Variants in DOCK1 observed in about 807,000 individuals in gnomAD.
DOCK1 encodes the protein dedicator of cytokinesis 1, also known as dedicator of cytokinesis protein 1.
DOCK1 carries 138 observed loss-of-function variants against 262.7 expected under a neutral mutation model. That is an observed-to-expected ratio of 0.53 (90% CI 0.46 to 0.61). The LOEUF (loss-of-function observed/expected upper bound fraction) is 0.61, where lower values mean the gene tolerates loss of function less well. DOCK1 is among the 20% of genes least tolerant of loss of function. The probability of loss-of-function intolerance (pLI) is 0.00; values close to 1 mark genes in which losing one functional copy is unlikely to be tolerated. For missense variants in DOCK1, 1,908 were observed against 2,370.7 expected (o/e 0.80, Z 4.05); for synonymous variants, 866 against 867.4 (o/e 1.00, Z 0.03).
intron 25 of DOCK1, among the ~76,000 whole-genome samples, chr10:127,119,287 T>C (rs775974705): frequency 1.4e-3 from 213 of 152,284 alleles, no homozygotes; most frequent in Non-Finnish European, 5.4e-4. Context: ...GACCTCATGG[T>C]CCTCCTGACT....
At chr10:127,306,348 T>C (rs545940535) in intron 29 of DOCK1, among the ~76,000 whole-genome samples, 1 of 152,234 alleles carries the variant, frequency 6.6e-6, no homozygotes, top group East Asian at 1.9e-4. Context: ...AGTTGGTGAA[T>C]CAACTCGAAA....
intron 27 of DOCK1, among the ~76,000 whole-genome samples, chr10:127,134,827 T>C (rs1240215557): frequency 6.6e-6 from 1 of 152,132 alleles, no homozygotes; most frequent in African/African-American, 2.4e-5. Flanking sequence ...TGGTTGCAGA[T>C]ACTGGGAAAA....
chr10:127,225,790 A>C (rs986794978), intron 27 of DOCK1, among the ~76,000 whole-genome samples: 2 of 152,194 alleles, frequency 1.3e-5, no homozygotes, highest in African/African-American at 2.4e-5. Context: ...ACCCATAAGA[A>C]GTAGTTGGAC....
intron 29 of DOCK1, among the ~76,000 whole-genome samples, chr10:127,316,245 C>A (rs2062276592): frequency 6.6e-6 from 1 of 152,122 alleles, no homozygotes; most frequent in Non-Finnish European, 1.5e-5. Flanking sequence ...CGTGCTGTAC[C>A]TAAGAGCTCT....
chr10:127,371,548 A>G (rs1380681970), intron 33 of DOCK1, among the ~76,000 whole-genome samples: 2 of 152,232 alleles, frequency 1.3e-5, no homozygotes, highest in East Asian at 3.8e-4. Context: ...ATTGATGGGC[A>G]TTTTAAATGC....
At chr10:127,198,340 T>G (rs1033005002) in intron 27 of DOCK1, among the ~76,000 whole-genome samples, 1 of 152,214 alleles carries the variant, frequency 6.6e-6, no homozygotes, top group Non-Finnish European at 1.5e-5. Flanking sequence ...TTATTGGCAA[T>G]CCATAAAATT....
At chr10:127,165,840 T>C (rs1344594300) in intron 27 of DOCK1, among the ~76,000 whole-genome samples, 3 of 152,134 alleles carry the variant, frequency 2.0e-5, no homozygotes, top group Admixed American at 2.0e-4. Flanking sequence ...TTCCTGTTAA[T>C]GATTACAGAT....
rs1214518862 is a variant in DOCK1 at position 126,941,693 on chromosome 10, T to G, written c.47-29009T>G. Among the ~76,000 whole-genome samples, 8 of 152,096 alleles carry G rather than the reference T, an allele frequency of 5.3e-5. No homozygotes were observed. The East Asian group carries it at 1.6e-3, about 30-fold the overall frequency. ...TGGCGTGAACCCGGGAGGCGGAGCTTGCAGTGAGCCGAGATCGTGCCACTG... is the reference window on the plus strand; with the variant it reads ...TGGCGTGAACCCGGGAGGCGGAGCTGGCAGTGAGCCGAGATCGTGCCACTG... On this transcript the variant is annotated intron_variant, in intron 1 of 51. Coordinates refer to ENST00000623213, the MANE Select transcript of DOCK1 (RefSeq NM_001290223.2).
intron 18 of DOCK1, among the ~76,000 whole-genome samples, chr10:127,033,048 T>C (rs1376295334): frequency 1.3e-5 from 2 of 152,218 alleles, no homozygotes; most frequent in South Asian, 2.1e-4. Flanking sequence ...CTGGGTCTTA[T>C]CTTCCTTGTC....
intron 2 of DOCK1, among the ~76,000 whole-genome samples, chr10:126,975,774 C>G (rs901081115): frequency 7.1e-6 from 1 of 141,570 alleles, no homozygotes; most frequent in Non-Finnish European, 1.5e-5. Flanking sequence ...CACGCCACCA[C>G]GCCCAGCCAA....
rs147830029 is a variant in DOCK1 at position 127,335,363 on chromosome 10, T to C, written c.3045-3643T>C. Among the ~76,000 whole-genome samples, 836 of 152,326 alleles carry C rather than the reference T, an allele frequency of 5.5e-3. 7 individuals are homozygous for C. The highest frequency in any genetic ancestry group is 8.8e-3 in the Non-Finnish European group (597 of 68,022). On this transcript the variant is annotated intron_variant, in intron 29 of 51. Transcript: ENST00000623213. ...TGGGCAAAGGACTATGATCCTGCAC[T>C]GTGTGGAGCCCCTCATTTCATTTGG...
rs2071014328 is a variant in DOCK1 at position 127,452,313 on chromosome 10, C to T, written c.*886C>T. The T allele has an allele frequency of 6.6e-6, 1 of 151,898 alleles. No individual in the cohort carries two copies. The highest frequency in any genetic ancestry group is 2.4e-5 in the African/African-American group (1 of 41,118). 9.4% of individuals were successfully genotyped at this position (151,898 alleles called of 1,614,324 possible). On this transcript the variant is annotated 3_prime_UTR_variant, in exon 52 of 52. Coordinates refer to ENST00000623213, the MANE Select transcript of DOCK1 (RefSeq NM_001290223.2). The stretch of plus-strand genomic sequence containing the variant: ...ACTGCTGGAAGTGTTAAAACACACA[C>T]ACACACACACACACATTTTTTTTTT...
intron 27 of DOCK1, among the ~76,000 whole-genome samples, chr10:127,232,463 A>G (rs117167052): frequency 2.0e-5 from 3 of 152,284 alleles, no homozygotes; most frequent in East Asian, 3.9e-4. Context: ...GGCACTCATC[A>G]TGGCCTTATA....
At chr10:127,121,491 G>A (rs1416793323) in intron 25 of DOCK1, among the ~76,000 whole-genome samples, 12 of 115,556 alleles carry the variant, frequency 1.0e-4, no homozygotes, top group Admixed American at 3.6e-4. Flanking sequence ...CTGTCCGTCT[G>A]TCTGTCCATC....
chr10:127,024,619 T>G, intron 14 of DOCK1, 66 bp from the exon 15 acceptor site: 1 of 1,340,586 alleles, frequency 7.5e-7, no homozygotes, highest in Non-Finnish European at 1.0e-6. Context: ...ACATATATAG[T>G]GGGAGATGTA....
At chr10:127,252,091 G>A (rs2059669727) in intron 28 of DOCK1, among the ~76,000 whole-genome samples, 1 of 149,426 alleles carries the variant, frequency 6.7e-6, no homozygotes. Context: ...ACTGGTGTGA[G>A]ATGGTATCTC....
chr10:127,093,202 C>CTTTCTTTCTTTCTTTCTTTCTTTG (rs1554883887), intron 23 of DOCK1, among the ~76,000 whole-genome samples: 37,289 of 129,156 alleles, frequency 0.29, 5,673 homozygotes, highest in Middle Eastern at 0.36. Context: ...TCTCCTTTTT[C>CTTTCTTTCTTTCTTTCTTTCTTTG]TTTCTTTCTT....
At chr10:127,193,503 A>G (rs554416408) in intron 27 of DOCK1, among the ~76,000 whole-genome samples, 5 of 152,316 alleles carry the variant, frequency 3.3e-5, no homozygotes, top group East Asian at 1.9e-4. Context: ...TCTGAGAAGC[A>G]TAAGTCACCT....
chr10:127,439,202 G>A lies in DOCK1; in HGVS notation c.5236G>A (p.Glu1746Lys). 1.9e-6 allele frequency: 3 copies of A among 1,611,370 alleles called. No homozygotes were observed. Among genetic ancestry groups the A allele is most frequent in the South Asian group, 1.1e-5 (1 of 89,938 alleles). ...CACCGACATTTCCCTGCAGCAGTCT[G>A]AGGCTGTGATCCTTTCGGAAACGGT... is the stretch of plus-strand genomic sequence containing the variant. ...KPTDISLQQS[E>K]AVILSETISP... is the part of the protein sequence containing the mutation. The change falls in exon 49 of 52, where the codon GAG (glutamate) becomes AAG (lysine). Residue 1746 changes from glutamate (E) to lysine (K), a missense_variant. This residue lies in a region of DOCK1 where 383 missense variants were observed against 420.1 expected (regional missense o/e 0.91). Transcript: ENST00000623213.
Sources: allele counts gnomAD v4.1 joint callset (sites outside exome capture counted in the v4.1 genomes callset), GRCh38; gene constraint gnomAD v4.1.1; regional missense constraint gnomAD v4.1.1; transcripts MANE v1.5; gene names NCBI Gene and HGNC (gene_info 2026-07-23, HGNC 2026-07-21).